Variants in TNIK observed in about 807,000 individuals in gnomAD.
The protein encoded by TNIK is TRAF2 and NCK-interacting protein kinase.
TNIK carries 49 observed loss-of-function variants against 191.3 expected under a neutral mutation model. The observed-to-expected ratio is 0.26, with a 90% confidence interval of 0.20 to 0.32. The LOEUF (loss-of-function observed/expected upper bound fraction) is 0.32, where lower values mean the gene tolerates loss of function less well. Among genes scored for constraint, TNIK ranks in the 10% least tolerant of loss-of-function variants. The pLI is 1.00. For synonymous variants in TNIK, 594 were observed against 600.9 expected (o/e 0.99, Z 0.17); for missense variants, 1,155 against 1,702.3 (o/e 0.68, Z 5.66).
intron 2 of TNIK, among the ~76,000 whole-genome samples, chr3:171,344,579 T>G (rs2108414629): frequency 6.6e-6 from 1 of 152,318 alleles, no homozygotes; most frequent in East Asian, 1.9e-4. Flanking sequence ...TGACCGGACC[T>G]TCCTATTTTG....
intron 1 of TNIK, among the ~76,000 whole-genome samples, chr3:171,388,143 A>G (rs1249767896): frequency 6.6e-6 from 1 of 152,180 alleles, no homozygotes; most frequent in African/African-American, 2.4e-5. Context: ...ATCCTAAAGT[A>G]CTCAATACAA....
chr3:171,189,759 C>A lies in TNIK; in HGVS notation c.509-927G>T, dbSNP rs560811037. Among the ~76,000 whole-genome samples, 3 of 152,216 alleles carry A rather than the reference C, an allele frequency of 2.0e-5. No homozygotes were observed. The South Asian group carries it at 6.2e-4, about 32-fold the overall frequency. On this transcript the variant is annotated intron_variant, in intron 6 of 32. Transcript: ENST00000436636. Reference sequence around the variant, plus strand: ...CATATAATATATACTCAACAAGTAACTGTTAATTAGTGAAGTAAGAATGCT... The same window carrying A: ...CATATAATATATACTCAACAAGTAAATGTTAATTAGTGAAGTAAGAATGCT...
At chr3:171,456,606 T>C (rs180900052) in intron 1 of TNIK, among the ~76,000 whole-genome samples, 1 of 152,270 alleles carries the variant, frequency 6.6e-6, no homozygotes, top group African/African-American at 2.4e-5. Context: ...AGGACAACCA[T>C]GTGTCCTAGG....
rs541824987 is a variant in TNIK, at chr3:171,151,489, C to T, written c.1221+5971G>A. ...GAACAACTCATATTTATTGAGGGCT[C>T]ACTATGTGTTAGTGATGTCGGCAGG... On this transcript the variant is annotated intron_variant, in intron 12 of 32. Coordinates refer to ENST00000436636, the MANE Select transcript of TNIK (RefSeq NM_015028.4). Among the ~76,000 whole-genome samples, 7 of 152,322 alleles carry T rather than the reference C, an allele frequency of 4.6e-5. No homozygotes were observed. The South Asian group carries it at 1.5e-3, about 32-fold the overall frequency.
chr3:171,080,143 T>C (rs1390608225), intron 27 of TNIK, among the ~76,000 whole-genome samples: 6 of 152,064 alleles, frequency 3.9e-5, no homozygotes, highest in Admixed American at 2.6e-4. Context: ...CTGAAGTCAC[T>C]GAAAGGAATA....
intron 27 of TNIK, among the ~76,000 whole-genome samples, chr3:171,080,154 C>G (rs1359286698): frequency 6.6e-6 from 1 of 151,470 alleles, no homozygotes; most frequent in South Asian, 2.1e-4. Flanking sequence ...GAAAGGAATA[C>G]TGAACAAAAA....
rs1202629151 is a variant in TNIK, at chr3:171,272,153, T to G, written c.124-43932A>C. ...TTCCTCTGCTGGTTCCTGGCCACCA[T>G]GCAAACACATGCATCACTTACAGAC... On this transcript the variant is annotated intron_variant, in intron 2 of 32. Transcript: ENST00000436636. Among the ~76,000 whole-genome samples, 6 of 152,198 alleles carry G rather than the reference T, an allele frequency of 3.9e-5. No homozygotes were observed. In the East Asian group the frequency reaches 1.2e-3, roughly 29 times the overall value.
In TNIK at chr3:171,278,380, G is replaced by A. The variant is rs372480450; in HGVS notation, c.124-50159C>T. Among the ~76,000 whole-genome samples, 21 of 152,244 alleles carry A rather than the reference G, an allele frequency of 1.4e-4. No homozygotes were observed. The East Asian group carries it at 3.5e-3, about 25-fold the overall frequency. On this transcript the variant is annotated intron_variant, in intron 2 of 32. Coordinates refer to ENST00000436636, the MANE Select transcript of TNIK (RefSeq NM_015028.4). ...TCTGCTTGTTTCTCAATGTGGATATGAGAATGAAGCTTATCAACATCAACA... is the reference window on the plus strand; with the variant it reads ...TCTGCTTGTTTCTCAATGTGGATATAAGAATGAAGCTTATCAACATCAACA...
chr3:171,175,460 A>G, intron 8 of TNIK, 130 bp from the exon 9 acceptor site: 1 of 667,660 alleles, frequency 1.5e-6, no homozygotes, highest in South Asian at 2.0e-5. Flanking sequence ...GCACAAAGTC[A>G]GAATATCCAA....
At chr3:171,245,347 A>ATTCATAGC (rs1232611266) in intron 2 of TNIK, among the ~76,000 whole-genome samples, 1 of 152,236 alleles carries the variant, frequency 6.6e-6, no homozygotes, top group Non-Finnish European at 1.5e-5. Context: ...CTGTCAAGAC[A>ATTCATAGC]TTCATAGCTT....
At chr3:171,370,645 T>G (rs1559986269) in intron 1 of TNIK, among the ~76,000 whole-genome samples, 1 of 152,136 alleles carries the variant, frequency 6.6e-6, no homozygotes, top group African/African-American at 2.4e-5. Context: ...TTGGGGCCTG[T>G]GGCAAACTGG....
chr3:171,454,625 C>T (rs1265895961), intron 1 of TNIK, among the ~76,000 whole-genome samples: 2 of 151,924 alleles, frequency 1.3e-5, no homozygotes, highest in East Asian at 3.9e-4. Flanking sequence ...GAGGCAATGC[C>T]ATTGTAAAGA....
intron 16 of TNIK, among the ~76,000 whole-genome samples, chr3:171,127,674 G>A (rs1728676532): frequency 6.6e-6 from 1 of 152,114 alleles, no homozygotes. Context: ...TCTTTTTGAG[G>A]GTTAGGCATG....
chr3:171,401,968 A>C (rs761349735), intron 1 of TNIK, among the ~76,000 whole-genome samples: 2 of 152,206 alleles, frequency 1.3e-5, no homozygotes, highest in African/African-American at 2.4e-5. Flanking sequence ...GGAATCTATC[A>C]AATAGAAGTC....
intron 1 of TNIK, among the ~76,000 whole-genome samples, chr3:171,370,882 G>C (rs1292715655): frequency 6.6e-6 from 1 of 152,118 alleles, no homozygotes; most frequent in African/African-American, 2.4e-5. Context: ...AATAAAAATA[G>C]ACTGCGCCTT....
intron 2 of TNIK, among the ~76,000 whole-genome samples, chr3:171,235,814 G>A (rs1382205293): frequency 1.3e-5 from 2 of 151,750 alleles, no homozygotes; most frequent in Non-Finnish European, 2.9e-5. Flanking sequence ...CATGAAATCT[G>A]AGAATCCAGG....
intron 3 of TNIK, among the ~76,000 whole-genome samples, chr3:171,214,871 T>C (rs539832719): frequency 5.6e-4 from 85 of 152,328 alleles, no homozygotes; most frequent in African/African-American, 1.9e-3. Flanking sequence ...TATTTAAATG[T>C]AGCTTTAGTA....
At chr3:171,069,350 G>GC (rs541577497) in intron 29 of TNIK, among the ~76,000 whole-genome samples, 277 of 152,130 alleles carry the variant, frequency 1.8e-3, no homozygotes, top group African/African-American at 6.5e-3. Flanking sequence ...CACCTCTCTG[G>GC]CCCCCCTCTT....
intron 4 of TNIK, among the ~76,000 whole-genome samples, chr3:171,203,761 C>G (rs759503979): frequency 3.9e-5 from 6 of 152,196 alleles, no homozygotes; most frequent in Non-Finnish European, 5.9e-5. Context: ...CGAGGTTTGA[C>G]TCTGGGTCTC....
Sources: gnomAD v4.1 joint callset for allele counts (sites outside exome capture counted in the v4.1 genomes callset) on GRCh38, gnomAD v4.1.1 for gene constraint, MANE v1.5 for transcripts, NCBI Gene and HGNC (gene_info 2026-07-23, HGNC 2026-07-21) for gene names.